Variants in EPHB6 observed in about 807,000 individuals in gnomAD.
The protein encoded by EPHB6 is EPH receptor B6.
Under a neutral mutation model 107.0 loss-of-function variants are expected in EPHB6, and 51 were observed. The observed-to-expected ratio is 0.48, with a 90% CI of 0.38 to 0.60. The LOEUF is 0.60. Ranked by LOEUF, EPHB6 falls within the 20% of genes least tolerant of loss-of-function variation. The probability of loss-of-function intolerance (pLI) is 0.00; values close to 1 mark genes in which losing one functional copy is unlikely to be tolerated. For synonymous variants in EPHB6, 553 were observed against 549.0 expected (o/e 1.01, Z -0.10); for missense variants, 1,141 against 1,355.5 (o/e 0.84, Z 2.48).
rs2116465231 is a variant in EPHB6, at chr7:142,868,185, G to C, written c.1919-56G>C. ...GGAGGTAAGTGGGCATGTCTGGGGT[G>C]CGCGGGCAGCCCTGCCTTTCACAAC... On this transcript the variant is annotated intron_variant, in intron 13 of 19. Transcript: ENST00000652003. The surrounding 1 kb of genome is among the most constrained non-coding windows in gnomAD (Gnocchi z 4.2). 6.2e-7 allele frequency: 1 copy of C among 1,614,082 alleles called. No individual in the cohort carries two copies. Among genetic ancestry groups the C allele is most frequent in the Non-Finnish European group, 8.5e-7 (1 of 1,179,986 alleles).
chr7:142,868,953 C>A lies in EPHB6; in HGVS notation c.2287-21C>A. The A allele has an allele frequency of 6.2e-7, 1 of 1,603,804 alleles. No individual in the cohort carries two copies. The highest frequency in any genetic ancestry group is 8.5e-7 in the Non-Finnish European group (1 of 1,178,732). ...CCCTGTCTCCGATCACTGACCTCTG[C>A]CCCCTGCCCCTTCCCCTCAGCAGCG... On this transcript the variant is annotated intron_variant, in intron 15 of 19. Transcript: ENST00000652003. The surrounding 1 kb of genome is among the most constrained non-coding windows in gnomAD (Gnocchi z 4.2).
rs747892419 is a variant in EPHB6 at position 142,864,321 on chromosome 7, C to G, written c.521C>G (p.Ser174Cys). Reference sequence around the variant, plus strand: ...TCCTCCTCCTCCTCCTCCTCCTCCTCTTCTTCCTCTGCAGCGTGGGCTGTG... The same window carrying G: ...TCCTCCTCCTCCTCCTCCTCCTCCTGTTCTTCCTCTGCAGCGTGGGCTGTG... The part of the protein sequence containing the change: ...FPSSSSSSSS[S>C]SSSAAWAVGP... The change falls in exon 7 of 20, where the codon TCT (serine) becomes TGT (cysteine). Residue 174 changes from serine (S) to cysteine (C), a missense_variant. Coordinates refer to ENST00000652003, the MANE Select transcript of EPHB6 (RefSeq NM_004445.6). The G allele has an allele frequency of 1.2e-6, 2 of 1,613,184 alleles. No individual in the cohort carries two copies.
At chr7:142,864,780 A>T (rs780054869) in intron 7 of EPHB6, 31 bp downstream of exon 7, 5 of 1,611,832 alleles carry the variant, frequency 3.1e-6, no homozygotes, top group Non-Finnish European at 4.2e-6. Flanking sequence ...CACTTGCCCG[A>T]CACCTCCCAC....
chr7:142,863,520 A>C lies in EPHB6; in HGVS notation c.101-111A>C, dbSNP rs1802950144. The stretch of plus-strand genomic sequence containing the variant: ...GATGGACAGCTGTGCTCCTGCTGGC[A>C]AAGACATGGGCCCGGGTGGGGCATT... On this transcript the variant is annotated intron_variant, in intron 5 of 19. Transcript: ENST00000652003. 2.9e-6 allele frequency: 4 copies of C among 1,387,834 alleles called. No individual in the cohort carries two copies. In the South Asian group the frequency reaches 3.5e-5, roughly 12 times the overall value. The allele number at this position is 1,387,834 out of a possible 1,614,324, so 86.0% of individuals were successfully genotyped here.
intron 1 of EPHB6, among the ~76,000 whole-genome samples, chr7:142,856,051 C>G (rs1422828718): frequency 1.3e-5 from 2 of 152,212 alleles, no homozygotes; most frequent in African/African-American, 4.8e-5. Context: ...CCTCTCTCCT[C>G]CCATCCCTGG....
Position 142,863,620 on chromosome 7 carries a change from T to C in EPHB6, c.101-11T>C. On this transcript the variant is annotated splice_polypyrimidine_tract_variant and intron_variant, in intron 5 of 19. Coordinates refer to ENST00000652003, the MANE Select transcript of EPHB6 (RefSeq NM_004445.6). ...GCTTGGCCACTGTGTGCCCCTCTTA[T>C]TTCTGGGCAGAGGTATTGCTGGACA... The C allele has an allele frequency of 6.2e-7, 1 of 1,613,644 alleles. No individual in the cohort carries two copies. The highest frequency in any genetic ancestry group is 8.5e-7 in the Non-Finnish European group (1 of 1,179,934).
rs1794714751 is a variant in EPHB6, at chr7:142,868,284, C to T, written c.1962C>T (p.Asp654=). 1 of 1,614,182 alleles carries T rather than the reference C, an allele frequency of 6.2e-7. No individual in the cohort carries two copies. The highest frequency in any genetic ancestry group is 8.5e-7 in the Non-Finnish European group (1 of 1,180,016). Residue 654 remains aspartate, a synonymous_variant, in exon 14 of 20, where the codon GAC becomes GAT. Transcript: ENST00000652003. The surrounding 1 kb of genome is among the most constrained non-coding windows in gnomAD (Gnocchi z 4.2). The part of the protein sequence containing the change: ...KYYIDPSTYE[D]PCQAIRELAR... ...ACATCGACCCCTCCACCTACGAGGACCCCTGTCAGGCCATCCGAGAACTTG... is the reference window on the plus strand; with the variant it reads ...ACATCGACCCCTCCACCTACGAGGATCCCTGTCAGGCCATCCGAGAACTTG...
At chr7:142,858,626 T>G (rs1586147576) in intron 1 of EPHB6, among the ~76,000 whole-genome samples, 1 of 149,780 alleles carries the variant, frequency 6.7e-6, no homozygotes, top group Non-Finnish European at 1.5e-5. Context: ...TTTTGTATTT[T>G]TAGTAGAAAC....
Position 142,867,761 on chromosome 7 carries a change from T to C in EPHB6, c.1865+39T>C, listed in dbSNP as rs770028025. On this transcript the variant is annotated intron_variant, in intron 12 of 19. Coordinates refer to ENST00000652003, the MANE Select transcript of EPHB6 (RefSeq NM_004445.6). This position sits in a 1 kb window ranked among gnomAD's most constrained non-coding sequence, Gnocchi z 5.3. ...CCTGCCCAACTCTGCCCAGCACCATTAACTCCACAGCCAAACCTCAAGTCC... is the reference window on the plus strand; with the variant it reads ...CCTGCCCAACTCTGCCCAGCACCATCAACTCCACAGCCAAACCTCAAGTCC... 1.3e-5 allele frequency: 20 copies of C among 1,557,902 alleles called. No homozygotes were observed. The highest frequency in any genetic ancestry group is 1.7e-5 in the Non-Finnish European group (19 of 1,145,086).
Position 142,867,563 on chromosome 7 carries a change from G to A in EPHB6, c.1751-45G>A, listed in dbSNP as rs1247439853. ...TGCCTGGGCACATGAACAAGCACCT[G>A]TGAGAGACCTGGCCCACCTGTGACC... On this transcript the variant is annotated intron_variant, in intron 11 of 19. Coordinates refer to ENST00000652003, the MANE Select transcript of EPHB6 (RefSeq NM_004445.6). The surrounding 1 kb of genome is among the most constrained non-coding windows in gnomAD (Gnocchi z 5.3). 2 of 1,544,708 alleles carry A rather than the reference G, an allele frequency of 1.3e-6. No homozygotes were observed. The highest frequency in any genetic ancestry group is 2.3e-5 in the East Asian group (1 of 43,998).
At position 142,868,483 on chromosome 7, in the gene EPHB6, T is replaced by G; in HGVS notation, c.2039-9T>G. On this transcript the variant is annotated splice_polypyrimidine_tract_variant and intron_variant, in intron 14 of 19. Transcript: ENST00000652003. The surrounding 1 kb of genome is among the most constrained non-coding windows in gnomAD (Gnocchi z 4.2). ...TGATCCCCACCCCAACCTACACCTA[T>G]TTTCCCAGGCTCTTTTGGAGAAGTG... 1 of 1,614,054 alleles carries G rather than the reference T, an allele frequency of 6.2e-7. No homozygotes were observed. The highest frequency in any genetic ancestry group is 8.5e-7 in the Non-Finnish European group (1 of 1,180,022).
rs534970228 is a variant in EPHB6, at chr7:142,870,411, T to C, written c.2804+4T>C. On this transcript the variant is annotated splice_donor_region_variant and intron_variant, in intron 18 of 19. Coordinates refer to ENST00000652003, the MANE Select transcript of EPHB6 (RefSeq NM_004445.6). ...CTGGCGGGGACCCAGGGGAAAGGTC[T>C]GGAGCTTGGGGCTAGAGCCTGGGAA... The C allele has an allele frequency of 1.2e-6, 2 of 1,614,026 alleles. No homozygotes were observed. The highest frequency in any genetic ancestry group is 1.3e-5 in the African/African-American group (1 of 75,066).
Position 142,866,974 on chromosome 7 carries a change from C to T in EPHB6, c.1656C>T (p.Ser552=), listed in dbSNP as rs2116454355. Reference sequence around the variant, plus strand: ...ACACTGCCACCGTGACACAGCTGAGCCCTGGCCACATCTATGGTTTCCAGG... The same window carrying T: ...ACACTGCCACCGTGACACAGCTGAGTCCTGGCCACATCTATGGTTTCCAGG... The part of the protein sequence containing the change: ...ETNTATVTQL[S]PGHIYGFQVR... The change falls in exon 11 of 20, where the codon AGC becomes AGT. Residue 552 remains serine, a synonymous_variant. Transcript: ENST00000652003. The surrounding 1 kb of genome is among the most constrained non-coding windows in gnomAD (Gnocchi z 5.2). The T allele has an allele frequency of 6.2e-7, 1 of 1,614,118 alleles. No homozygotes were observed. The highest frequency in any genetic ancestry group is 8.5e-7 in the Non-Finnish European group (1 of 1,180,016).
chr7:142,865,217 C>A (rs1267112641), intron 7 of EPHB6, among the ~76,000 whole-genome samples: 2 of 152,214 alleles, frequency 1.3e-5, no homozygotes, highest in African/African-American at 4.8e-5. Context: ...GCTGGGAACA[C>A]CCACATCTGG....
At chr7:142,856,237 T>A (rs573587566) in intron 1 of EPHB6, among the ~76,000 whole-genome samples, 2 of 152,242 alleles carry the variant, frequency 1.3e-5, no homozygotes, top group East Asian at 3.9e-4. Context: ...GGGAGGGAGC[T>A]GTGTGGGGCT....
Position 142,867,167 on chromosome 7 carries a change from T to C in EPHB6, c.1750+99T>C. On this transcript the variant is annotated intron_variant, in intron 11 of 19. Transcript: ENST00000652003. The surrounding 1 kb of genome is among the most constrained non-coding windows in gnomAD (Gnocchi z 5.3). Reference sequence around the variant, plus strand: ...CGGCCTTGAACCCTGGCCCCGTGCTTCCCAACCAGAAGTTCTGTGGGAAAG... The same window carrying C: ...CGGCCTTGAACCCTGGCCCCGTGCTCCCCAACCAGAAGTTCTGTGGGAAAG... 6.9e-7 allele frequency: 1 copy of C among 1,452,102 alleles called. No homozygotes were observed. Among genetic ancestry groups the C allele is most frequent in the South Asian group, 1.3e-5 (1 of 77,388 alleles). 90.0% of individuals were successfully genotyped at this position (1,452,102 alleles called of 1,614,324 possible). A position where few individuals can be genotyped will look rare whatever the true frequency, so the allele number is the denominator to read the frequency against.
Position 142,869,771 on chromosome 7 carries a change from A to G in EPHB6, c.2461-46A>G, listed in dbSNP as rs1156795691. On this transcript the variant is annotated intron_variant, in intron 16 of 19. Coordinates refer to ENST00000652003, the MANE Select transcript of EPHB6 (RefSeq NM_004445.6). The surrounding 1 kb of genome is among the most constrained non-coding windows in gnomAD (Gnocchi z 4.5). ...ACATAGTAGTTGCTCAATAAACGTG[A>G]CTATTACTATGATTATTACTATTTG... The G allele has an allele frequency of 6.2e-7, 1 of 1,610,334 alleles. No homozygotes were observed. The highest frequency in any genetic ancestry group is 2.2e-5 in the East Asian group (1 of 44,846).
chr7:142,862,690 G>A (rs1035096099), intron 3 of EPHB6, 66 bp from the exon 4 acceptor site: 2 of 153,716 alleles, frequency 1.3e-5, no homozygotes, highest in African/African-American at 4.8e-5. Context: ...CAATTCATGT[G>A]TCTGTAGGAT....
Position 142,868,816 on chromosome 7 carries a change from C to T in EPHB6, c.2286+77C>T. ...CAGGAGACGAGGTCCTGTATCTTTG[C>T]TTCTTACCACCCCACCTTCCATGGT... On this transcript the variant is annotated intron_variant, in intron 15 of 19. Coordinates refer to ENST00000652003, the MANE Select transcript of EPHB6 (RefSeq NM_004445.6). The surrounding 1 kb of genome is among the most constrained non-coding windows in gnomAD (Gnocchi z 4.2). The T allele has an allele frequency of 6.2e-7, 1 of 1,609,938 alleles. No individual in the cohort carries two copies. Among genetic ancestry groups the T allele is most frequent in the African/African-American group, 1.3e-5 (1 of 74,992 alleles).
Sources: gnomAD v4.1 joint callset for allele counts (sites outside exome capture counted in the v4.1 genomes callset) on GRCh38, gnomAD v4.1.1 for gene constraint, Gnocchi (gnomAD v3.1) non-coding constraint, MANE v1.5 for transcripts, NCBI Gene and HGNC (gene_info 2026-07-23, HGNC 2026-07-21) for gene names.